POLRMT: variants seen among roughly 807,000 people sequenced by gnomAD.
POLRMT encodes the protein RNA polymerase mitochondrial.
Under a neutral mutation model 132.2 loss-of-function variants are expected in POLRMT, and 114 were observed. The observed-to-expected ratio is 0.86, with a 90% CI of 0.74 to 1.01. The LOEUF (loss-of-function observed/expected upper bound fraction) is 1.01, where lower values mean the gene tolerates loss of function less well. Ranked by LOEUF, POLRMT falls within the 50% of genes least tolerant of loss-of-function variation. The pLI, the probability that POLRMT is intolerant of heterozygous loss-of-function variation, is 0.00. For synonymous variants in POLRMT, 1,020 were observed against 773.4 expected (o/e 1.32, Z -5.29); for missense variants, 2,003 against 1,729.1 (o/e 1.16, Z -2.81).
Position 617,295 on chromosome 19 carries a change from A to G in POLRMT, c.3672T>C (p.Arg1224=), listed in dbSNP as rs768059970. The change falls in exon 21 of 21, where the codon CGT becomes CGC. Residue 1224 remains arginine, a synonymous_variant. Transcript: ENST00000588649. The part of the protein sequence containing the change: ...PGAFDLEQVK[R]STYFFS ...GGTGTCAGCTGAAGAAGTAGGTGGA[A>G]CGCTTCACCTGCTCCAGGTCGAAGG... 1.8e-4 allele frequency: 293 copies of G among 1,612,718 alleles called. No homozygotes were observed. Among genetic ancestry groups the G allele is most frequent in the Non-Finnish European group, 2.2e-4 (261 of 1,179,876 alleles).
chr19:619,861 CCT>C, intron 12 of POLRMT, 95 bp downstream of exon 12: 4 of 1,575,322 alleles, frequency 2.5e-6, no homozygotes. Flanking sequence ...CCCACCACAT[CCT>C]CAGGACAGGC....
chr19:620,536 A>G (rs1368205389), intron 10 of POLRMT, 49 bp from the exon 11 acceptor site: 2 of 1,479,958 alleles, frequency 1.4e-6, no homozygotes, highest in South Asian at 2.8e-5. Context: ...CCGATCCCTG[A>G]GCCCGCTGGG....
Position 619,203 on chromosome 19 carries a change from G to A in POLRMT, c.3153+7C>T, listed in dbSNP as rs369814235. 168 of 1,611,544 alleles carry A rather than the reference G, an allele frequency of 1.0e-4. 1 individual carries two copies. The African/African-American group carries it at 1.6e-3, about 15-fold the overall frequency. ...TCCTGGCCGAGCGGGGACAGGACAGGACGTACCTGGATGGCCCGGGTCCCC... is the reference window on the plus strand; with the variant it reads ...TCCTGGCCGAGCGGGGACAGGACAGAACGTACCTGGATGGCCCGGGTCCCC... On this transcript the variant is annotated splice_region_variant and intron_variant, in intron 14 of 20. Transcript: ENST00000588649.
Position 622,371 on chromosome 19 carries a change from C to T in POLRMT, c.1629G>A (p.Val543=), listed in dbSNP as rs1296847320. ...ACTGCCGCGGCAGGCAGGGCTCGGG[C>T]ACCTGTAGGACAGGGCGGTCAGGGC... ...YLCLLASDAE[V]PEPCLPRQYW... is the part of the protein sequence containing the mutation. Residue 543 remains valine (V), a splice_region_variant and synonymous_variant, in exon 9 of 21, where the codon GTG becomes GTA. Coordinates refer to ENST00000588649, the MANE Select transcript of POLRMT (RefSeq NM_005035.4). 8.4e-6 allele frequency: 13 copies of T among 1,548,566 alleles called. No individual in the cohort carries two copies. Among genetic ancestry groups the T allele is most frequent in the Middle Eastern group, 2.0e-4 (1 of 4,934 alleles).
At position 629,866 on chromosome 19, in the gene POLRMT, G is replaced by C. The variant is rs758776476; in HGVS notation, c.496C>G (p.Leu166Val). The C allele has an allele frequency of 1.2e-6, 2 of 1,609,868 alleles. No homozygotes were observed. The highest frequency in any genetic ancestry group is 2.2e-5 in the South Asian group (2 of 90,840). The change falls in exon 3 of 21, where the codon CTC becomes GTC. Residue 166 changes from leucine to valine, a missense_variant. Physicochemically the swap from Leu to Val is conservative, Grantham distance 32. Transcript: ENST00000588649. Reference protein sequence around the residue: ...LTRRLQVEPRLLSKQMAGCLE... With the variant: ...LTRRLQVEPRVLSKQMAGCLE... ...CACCCGGCCATCTGCTTGCTCAGGA[G>C]CCGGGGCTCCACCTGCAGGCGCCTG...
chr19:620,892 AGGGGAG>A (rs1013645718), intron 10 of POLRMT, among the ~76,000 whole-genome samples, 160 bp downstream of exon 10: 1 of 34,210 alleles, frequency 2.9e-5, no homozygotes, highest in African/African-American at 1.4e-4. Context: ...TGGGGGCGCC[AGGGGAG>A]GGGGAGGGGA....
At chr19:618,909 G>A in intron 15 of POLRMT, 88 bp downstream of exon 15, 1 of 1,353,742 alleles carries the variant, frequency 7.4e-7, no homozygotes, top group South Asian at 1.3e-5. Flanking sequence ...GGTACACTGG[G>A]GTGGTGGTAC....
At chr19:625,724 T>TG (rs1318309349) in intron 3 of POLRMT, among the ~76,000 whole-genome samples, 6 of 152,326 alleles carry the variant, frequency 3.9e-5, no homozygotes, top group Admixed American at 3.3e-4. Context: ...CCCCCCAAGA[T>TG]GGAGTCTTGC....
chr19:632,793 C>A, intron 2 of POLRMT, 41 bp downstream of exon 2: 2 of 1,463,904 alleles, frequency 1.4e-6, no homozygotes, highest in South Asian at 2.5e-5. Context: ...CAGCAGGGAG[C>A]GGACTCTCCT....
chr19:620,608 G>T, intron 10 of POLRMT, 121 bp from the exon 11 acceptor site: 1 of 1,257,008 alleles, frequency 8.0e-7, no homozygotes. Flanking sequence ...AGTGAACACG[G>T]GACGCATGTG....
intron 2 of POLRMT, among the ~76,000 whole-genome samples, chr19:630,664 C>T (rs1985347001): frequency 6.6e-6 from 1 of 152,112 alleles, no homozygotes; most frequent in South Asian, 2.1e-4. Context: ...CCTGCAAGTT[C>T]GCACCCCGCC....
intron 15 of POLRMT, 68 bp downstream of exon 15, chr19:618,929 C>G: frequency 7.1e-7 from 1 of 1,398,700 alleles, no homozygotes. Flanking sequence ...CGCTGGGGCA[C>G]TGGTACACTG....
At chr19:620,233 C>A in intron 11 of POLRMT, 132 bp downstream of exon 11, 1 of 1,452,418 alleles carries the variant, frequency 6.9e-7, no homozygotes, top group South Asian at 1.4e-5. Flanking sequence ...AGACCAGGAG[C>A]CATGGCTCCC....
intron 8 of POLRMT, 62 bp downstream of exon 8, chr19:622,520 G>A (rs1984694955): frequency 1.3e-6 from 2 of 1,518,592 alleles, no homozygotes; most frequent in East Asian, 2.4e-5. Flanking sequence ...GGCTGCTCCA[G>A]GGAGGGAGAG....
In POLRMT at chr19:621,625, C is replaced by T. The variant is rs780014074; in HGVS notation, c.2073G>A (p.Ala691=). The part of the protein sequence containing the change: ...QELLETCPPT[A]LHGALDALTQ... The stretch of plus-strand genomic sequence containing the variant: ...TGAGGGCGTCCAGTGCGCCATGCAG[C>T]GCGGTGGGCGGGCAGGTTTCCAGCA... Residue 691 remains alanine (A), a synonymous_variant, in exon 10 of 21, where the codon GCG becomes GCA. Transcript: ENST00000588649. The T allele has an allele frequency of 2.0e-6, 3 of 1,523,348 alleles. No homozygotes were observed. Among genetic ancestry groups the T allele is most frequent in the African/African-American group, 1.4e-5 (1 of 72,882 alleles). The allele number at this position is 1,523,348 out of a possible 1,614,324, so 94.4% of individuals were successfully genotyped here. A position where few individuals can be genotyped will look rare whatever the true frequency, so the allele number is the denominator to read the frequency against.
chr19:633,227 C>T, intron 1 of POLRMT, 198 bp downstream of exon 1: 1 of 675,036 alleles, frequency 1.5e-6, no homozygotes, highest in Non-Finnish European at 2.3e-6. Context: ...CATAAGAAAC[C>T]ACGAGTCAAA....
intron 2 of POLRMT, among the ~76,000 whole-genome samples, chr19:631,272 G>A (rs1985393629): frequency 6.8e-6 from 1 of 147,914 alleles, no homozygotes; most frequent in South Asian, 2.2e-4. Context: ...TGGCTGCTGT[G>A]AGCCGTGATC....
rs889105563 is a variant in POLRMT, at chr19:625,234, T to C, written c.843A>G (p.Val281=). 5.6e-6 allele frequency: 9 copies of C among 1,613,910 alleles called. No homozygotes were observed. The highest frequency in any genetic ancestry group is 2.2e-5 in the East Asian group (1 of 44,862). The part of the protein sequence containing the change: ...WARQGAFKEL[V]YVLFMVKDAG... ...CATCCTTCACCATGAATAACACATA[T>C]ACCAGCTCCTTGAAGGCACCCTGGG... The change falls in exon 4 of 21, where the codon GTA becomes GTG. Residue 281 remains valine (V), a synonymous_variant. Coordinates refer to ENST00000588649, the MANE Select transcript of POLRMT (RefSeq NM_005035.4).
At position 619,282 on chromosome 19, in the gene POLRMT, C is replaced by T; in HGVS notation, c.3081G>A (p.Glu1027=). 6.2e-7 allele frequency: 1 copy of T among 1,608,532 alleles called. No individual in the cohort carries two copies. The highest frequency in any genetic ancestry group is 1.1e-5 in the South Asian group (1 of 90,736). ...CCTGGCGTACGAGATAGTGAGAGGC[C>T]TCCCACACGAACTCCTGCAGAGGGC... ...LSDFPQEFVW[E]ASHYLVRQVF... The change falls in exon 14 of 21, where the codon GAG becomes GAA. Residue 1027 remains glutamate (E), a synonymous_variant. Coordinates refer to ENST00000588649, the MANE Select transcript of POLRMT (RefSeq NM_005035.4).
Sources: gnomAD v4.1 joint callset for allele counts (sites outside exome capture counted in the v4.1 genomes callset) on GRCh38, gnomAD v4.1.1 for gene constraint, MANE v1.5 for transcripts, NCBI Gene and HGNC (gene_info 2026-07-23, HGNC 2026-07-21) for gene names.